The following IL1R1 variants were observed in gnomAD, a reference collection of about 807,000 sequenced individuals.
The protein encoded by IL1R1 is interleukin-1 receptor type 1.
In IL1R1, 22 loss-of-function variants were observed where a neutral mutation model predicts 50.2. That is an observed-to-expected ratio of 0.44 (90% CI 0.31 to 0.63). The LOEUF (loss-of-function observed/expected upper bound fraction) is 0.63, where lower values mean the gene tolerates loss of function less well. IL1R1 is among the 20% of genes least tolerant of loss of function. IL1R1 has a pLI of 0.07. For missense variants in IL1R1, 509 were observed against 676.2 expected (o/e 0.75, Z 2.74); for synonymous variants, 251 against 236.7 (o/e 1.06, Z -0.55).
At chr2:102,134,028 C>T (rs550211076) in intron 1 of IL1R1, among the ~76,000 whole-genome samples, 2 of 152,082 alleles carry the variant, frequency 1.3e-5, no homozygotes, top group Admixed American at 1.3e-4. Flanking sequence ...TCTACTAGAA[C>T]TAATAAATGA....
rs377632988 is a variant in IL1R1 at position 102,176,428 on chromosome 2, G to T, written c.1379G>T (p.Gly460Val). 1 of 1,614,056 alleles carries T rather than the reference G, an allele frequency of 6.2e-7. No homozygotes were observed. The highest frequency in any genetic ancestry group is 1.3e-5 in the African/African-American group (1 of 75,056). The change falls in exon 12 of 12, where the codon GGC (glycine) becomes GTC (valine). Residue 460 changes from glycine (G) to valine (V), a missense_variant. Coordinates refer to ENST00000410023, the MANE Select transcript of IL1R1 (RefSeq NM_000877.4). ...LIIILVRETS[G>V]FSWLGGSSEE... ...ATCATTTTAGTCAGAGAAACATCAG[G>T]CTTCAGCTGGCTGGGTGGTTCATCT...
At chr2:102,175,205 G>T (rs1686019647) in intron 10 of IL1R1, among the ~76,000 whole-genome samples, 1 of 152,004 alleles carries the variant, frequency 6.6e-6, no homozygotes, top group South Asian at 2.1e-4. Context: ...AAGAAGATGA[G>T]GACAGGGAGA....
chr2:102,118,320 C>T (rs1422448861), intron 1 of IL1R1, among the ~76,000 whole-genome samples: 1 of 152,204 alleles, frequency 6.6e-6, no homozygotes, highest in African/African-American at 2.4e-5. Context: ...AGGAAGCGCA[C>T]TTCCCCTCCC....
At chr2:102,155,511 C>G (rs1031420935) in intron 2 of IL1R1, among the ~76,000 whole-genome samples, 1 of 152,172 alleles carries the variant, frequency 6.6e-6, no homozygotes, top group African/African-American at 2.4e-5. Flanking sequence ...GTGGGTTAAT[C>G]TAGGTGCAAC....
At position 102,130,033 on chromosome 2, in the gene IL1R1, C is replaced by CT. The variant is rs568991621; in HGVS notation, c.-83-23901dup. On this transcript the variant is annotated intron_variant, in intron 1 of 10. Coordinates refer to the IL1R1 transcript ENST00000409329. Reference sequence around the variant, plus strand: ...AAACGAAAGTATCAAAAAGAATTACCTTTTTTTACTTTGTTTACATTGTTC... The same window carrying CT: ...AAACGAAAGTATCAAAAAGAATTACCTTTTTTTTACTTTGTTTACATTGTTC... Among the ~76,000 whole-genome samples, 45 of 152,150 alleles carry CT rather than the reference C, an allele frequency of 3.0e-4. 1 individual carries two copies. In the South Asian group the frequency reaches 5.8e-3, roughly 20 times the overall value.
At chr2:102,175,077 T>C (rs1686003364) in intron 10 of IL1R1, among the ~76,000 whole-genome samples, 3 of 146,542 alleles carry the variant, frequency 2.0e-5, no homozygotes, top group Admixed American at 6.9e-5. Context: ...GACTAGATCT[T>C]CATGCATCAG....
At chr2:102,086,741 T>C (rs1679447483) in intron 1 of IL1R1, among the ~76,000 whole-genome samples, 1 of 152,214 alleles carries the variant, frequency 6.6e-6, no homozygotes, top group Non-Finnish European at 1.5e-5. Flanking sequence ...TTAAACGTTA[T>C]CTAGCCTCCC....
intron 1 of IL1R1, among the ~76,000 whole-genome samples, chr2:102,074,554 A>G: frequency 6.6e-6 from 1 of 152,200 alleles, no homozygotes; most frequent in East Asian, 1.9e-4. Flanking sequence ...AGCTAGCCTA[A>G]CATCCCTTCC....
At chr2:102,154,951 G>T (rs192945675) in intron 2 of IL1R1, among the ~76,000 whole-genome samples, 1 of 152,178 alleles carries the variant, frequency 6.6e-6, no homozygotes, top group East Asian at 1.9e-4. Context: ...CTCCCCTCCT[G>T]CCCTGGGCAT....
At chr2:102,148,700 T>A (rs1205949290) in intron 1 of IL1R1, among the ~76,000 whole-genome samples, 1 of 152,232 alleles carries the variant, frequency 6.6e-6, no homozygotes. Context: ...ATTTGTGGAT[T>A]CTAAGCCAGG....
intron 3 of IL1R1, among the ~76,000 whole-genome samples, chr2:102,159,168 T>A (rs1251623210): frequency 6.6e-6 from 1 of 152,184 alleles, no homozygotes; most frequent in East Asian, 1.9e-4. Context: ...GACTAGGCAG[T>A]CTACAGCCTG....
upstream of IL1R1, among the ~76,000 whole-genome samples, chr2:102,103,391 T>C (rs1363058116): frequency 1.3e-5 from 2 of 151,922 alleles, no homozygotes; most frequent in African/African-American, 4.8e-5. Flanking sequence ...TGGTGTCAAT[T>C]GGCTAGGGTA....
rs763186299 is a variant in IL1R1, at chr2:102,172,707, AAAG to A, written c.864_866del (p.Arg289del). 7 of 1,604,822 alleles carry A rather than the reference AAAG, an allele frequency of 4.4e-6. No individual in the cohort carries two copies. Among genetic ancestry groups the A allele is most frequent in the Non-Finnish European group, 5.9e-6 (7 of 1,176,746 alleles). On this transcript the variant is annotated inframe_deletion, in exon 9 of 12. Coordinates refer to ENST00000410023, the MANE Select transcript of IL1R1 (RefSeq NM_000877.4). ...AATAGTGTGGAAAATCCTGCAAACA[AAAG>A]AAGGAGTACCCTCATCACAGTGCTT...
At position 102,166,294 on chromosome 2, in the gene IL1R1, T is replaced by C. The variant is rs1685176494; in HGVS notation, c.655+13T>C. 2 of 1,599,526 alleles carry C rather than the reference T, an allele frequency of 1.3e-6. No individual in the cohort carries two copies. The highest frequency in any genetic ancestry group is 1.3e-5 in the African/African-American group (1 of 74,630). ...TTTATTACTCTAGGTGAGTCATAGC[T>C]CCAGCCCTAAAAGGTTTAGATCTGG... is the stretch of plus-strand genomic sequence containing the variant. On this transcript the variant is annotated intron_variant, in intron 6 of 11. Coordinates refer to ENST00000410023, the MANE Select transcript of IL1R1 (RefSeq NM_000877.4).
At chr2:102,103,250 G>A (rs759818033), upstream of IL1R1, among the ~76,000 whole-genome samples, 3 of 152,162 alleles carry the variant, frequency 2.0e-5, no homozygotes, top group Non-Finnish European at 4.4e-5. Context: ...TATCATCACA[G>A]AGAGAAGGCA....
chr2:102,174,362 T>C (rs1166878133), intron 9 of IL1R1, among the ~76,000 whole-genome samples: 1 of 152,202 alleles, frequency 6.6e-6, no homozygotes, highest in East Asian at 1.9e-4. Context: ...TTGTATATTA[T>C]GCTATTTAGG....
intron 1 of IL1R1, among the ~76,000 whole-genome samples, chr2:102,085,301 T>C (rs1679386285): frequency 6.6e-6 from 1 of 152,228 alleles, no homozygotes; most frequent in South Asian, 2.1e-4. Context: ...TCCAAAGTCA[T>C]AAAAATTTTC....
intron 1 of IL1R1, among the ~76,000 whole-genome samples, chr2:102,091,566 A>G (rs918992854): frequency 2.6e-5 from 4 of 152,212 alleles, no homozygotes; most frequent in Non-Finnish European, 5.9e-5. Context: ...ATGTGTAATG[A>G]TCAAGTCAGA....
At position 102,161,945 on chromosome 2, in the gene IL1R1, A is replaced by G. The variant is rs964893031; in HGVS notation, c.62-2829A>G. On this transcript the variant is annotated intron_variant, in intron 3 of 11. Transcript: ENST00000410023. ...TCAAACTCCTGACCTCAGGTGACTC[A>G]CCCGCCTCAGCCTTGCAAAGTGCTG... Among the ~76,000 whole-genome samples, 12 of 151,728 alleles carry G rather than the reference A, an allele frequency of 7.9e-5. No homozygotes were observed. The South Asian group carries it at 2.5e-3, about 32-fold the overall frequency.
Sources: gnomAD v4.1 joint callset for allele counts (sites outside exome capture counted in the v4.1 genomes callset) on GRCh38, gnomAD v4.1.1 for gene constraint, MANE v1.5 for transcripts, NCBI Gene and HGNC (gene_info 2026-07-23, HGNC 2026-07-21) for gene names.